The following AK8 variants were observed in gnomAD, a reference collection of about 807,000 sequenced individuals.
The protein encoded by AK8 is ATP-AMP transphosphorylase 8.
Under a neutral mutation model 54.6 loss-of-function variants are expected in AK8, and 44 were observed. The observed-to-expected ratio is 0.81, with a 90% CI of 0.63 to 1.04. AK8 has a LOEUF of 1.04. AK8 is among the 50% of genes least tolerant of loss of function. The pLI is 0.00. For synonymous variants in AK8, 239 were observed against 245.6 expected (o/e 0.97, Z 0.25); for missense variants, 555 against 613.6 (o/e 0.90, Z 1.01).
At position 132,878,208 on chromosome 9, in the gene AK8, C is replaced by T. The variant is rs1292775471; in HGVS notation, c.48G>A (p.Gln16=). ...CGAAGATGTGGTTCTCCTCCCCGTA[C>T]TGGGGCATCTCGGGGGGGATACGGT... ...APHRIPPEMP[Q]YGEENHIFEL... Residue 16 remains glutamine, a synonymous_variant, in exon 1 of 13, where the codon CAG becomes CAA. Coordinates refer to ENST00000298545, the MANE Select transcript of AK8 (RefSeq NM_152572.3). This position sits in a 1 kb window ranked among gnomAD's most constrained non-coding sequence, Gnocchi z 4.7. The T allele has an allele frequency of 3.4e-6, 5 of 1,466,254 alleles. No homozygotes were observed. The highest frequency in any genetic ancestry group is 4.5e-6 in the Non-Finnish European group (5 of 1,106,114). 90.8% of individuals were successfully genotyped at this position (1,466,254 alleles called of 1,614,324 possible).
At chr9:132,807,187 C>T (rs1840763649) in intron 10 of AK8, among the ~76,000 whole-genome samples, 1 of 150,408 alleles carries the variant, frequency 6.6e-6, no homozygotes, top group Admixed American at 6.6e-5. Flanking sequence ...TTGGGAGATG[C>T]TGGGGGGGGC....
chr9:132,828,001 C>T lies in AK8; in HGVS notation c.556+12G>A, dbSNP rs200457695. On this transcript the variant is annotated intron_variant, in intron 7 of 12. Transcript: ENST00000298545. ...ACCCCATGGGGCTGGGTGGGGGTGG[C>T]CGTAGCCATACCTCCAGTTTGAGGG... 2 of 1,557,202 alleles carry T rather than the reference C, an allele frequency of 1.3e-6. No homozygotes were observed. The highest frequency in any genetic ancestry group is 2.4e-5 in the South Asian group (2 of 84,396).
chr9:132,735,235 C>G (rs1397400558), intron 11 of AK8, among the ~76,000 whole-genome samples: 2 of 152,200 alleles, frequency 1.3e-5, no homozygotes, highest in African/African-American at 4.8e-5. Flanking sequence ...TCTAGCCACA[C>G]TGCCTGAGAT....
intron 10 of AK8, among the ~76,000 whole-genome samples, chr9:132,811,652 G>C (rs1335634145): frequency 6.6e-6 from 1 of 152,244 alleles, no homozygotes; most frequent in Non-Finnish European, 1.5e-5. Flanking sequence ...GCAGTACCCA[G>C]AGATGGCAAA....
intron 11 of AK8, among the ~76,000 whole-genome samples, chr9:132,765,471 A>G (rs1010209939): frequency 6.6e-6 from 1 of 150,788 alleles, no homozygotes; most frequent in African/African-American, 2.4e-5. Context: ...AAAATTCAAC[A>G]TCCCTTCTTG....
At position 132,725,877 on chromosome 9, in the gene AK8, G is replaced by A. The variant is rs554473389; in HGVS notation, c.1251C>T (p.Arg417=). The change falls in exon 13 of 13, where the codon CGC becomes CGT. Residue 417 remains arginine, a synonymous_variant. Transcript: ENST00000298545. ...KPPPTMEIQA[R]LLQNPKDAEE... ...CAGCATCCTTTGGGTTCTGCAGGAG[G>A]CGAGCCTGGATCTCCATGGTGGGAG... 2.5e-6 allele frequency: 4 copies of A among 1,611,610 alleles called. No homozygotes were observed. The South Asian group carries it at 4.4e-5, about 18-fold the overall frequency.
Position 132,875,096 on chromosome 9 carries a change from A to G in AK8, c.169+19T>C. On this transcript the variant is annotated intron_variant, in intron 2 of 12. Transcript: ENST00000298545. ...GGGAAGGGAAGACGAGGAGGGGAAG[A>G]GCCCCAGCCAGTGCTCACCATTGTC... 1 of 1,613,654 alleles carries G rather than the reference A, an allele frequency of 6.2e-7. No homozygotes were observed. The highest frequency in any genetic ancestry group is 2.2e-5 in the East Asian group (1 of 44,874).
At chr9:132,847,151 G>A (rs998447076) in intron 5 of AK8, among the ~76,000 whole-genome samples, 3 of 152,238 alleles carry the variant, frequency 2.0e-5, no homozygotes, top group Admixed American at 6.5e-5. Context: ...AGAGCGGGCC[G>A]GGGGAAGAGC....
intron 5 of AK8, among the ~76,000 whole-genome samples, chr9:132,845,778 CAAAA>C (rs35258934): frequency 1.8e-5 from 2 of 108,862 alleles, no homozygotes; most frequent in Non-Finnish European, 3.6e-5. Flanking sequence ...AACTCCATCT[CAAAA>C]AAAAAAAAAA....
At chr9:132,859,998 G>A (rs1181865591) in intron 4 of AK8, among the ~76,000 whole-genome samples, 3 of 152,014 alleles carry the variant, frequency 2.0e-5, no homozygotes, top group South Asian at 2.1e-4. Flanking sequence ...CATTCATTTC[G>A]ATGGCTCTGA....
intron 5 of AK8, among the ~76,000 whole-genome samples, chr9:132,850,890 G>C (rs944566650): frequency 2.2e-5 from 3 of 138,854 alleles, no homozygotes; most frequent in Non-Finnish European, 3.2e-5. Flanking sequence ...GAATCTGTAG[G>C]TGCATTTAAA....
At chr9:132,778,430 G>A (rs1054705932) in intron 11 of AK8, among the ~76,000 whole-genome samples, 3 of 152,106 alleles carry the variant, frequency 2.0e-5, no homozygotes, top group East Asian at 1.9e-4. Flanking sequence ...TCCATAGTCC[G>A]CATAAGGATC....
Position 132,833,411 on chromosome 9 carries a change from C to T in AK8, c.403-4685G>A, listed in dbSNP as rs935709980. Among the ~76,000 whole-genome samples, 12 of 152,278 alleles carry T rather than the reference C, an allele frequency of 7.9e-5. No individual in the cohort carries two copies. In the South Asian group the frequency reaches 2.5e-3, roughly 32 times the overall value. ...CAACAAGCCTGTGTTGCGAGGTTCG[C>T]GGGTCTCACGTCCAGGAGTGGCTGG... On this transcript the variant is annotated intron_variant, in intron 5 of 12. Transcript: ENST00000298545.
chr9:132,873,856 C>A (rs1036583178), intron 2 of AK8, among the ~76,000 whole-genome samples: 9 of 152,272 alleles, frequency 5.9e-5, no homozygotes, highest in Non-Finnish European at 1.3e-4. Flanking sequence ...AACATCCACC[C>A]TAAGAGCAGG....
At chr9:132,850,205 C>A (rs1331677135) in intron 5 of AK8, among the ~76,000 whole-genome samples, 2 of 147,632 alleles carry the variant, frequency 1.4e-5, no homozygotes, top group Non-Finnish European at 3.0e-5. Flanking sequence ...AGGCACCCAC[C>A]ACCATGCCCA....
rs1035261754 is a variant in AK8 at position 132,827,821 on chromosome 9, C to A, written c.556+192G>T. The A allele has an allele frequency of 1.2e-5, 7 of 584,414 alleles. No individual in the cohort carries two copies. The African/African-American group carries it at 1.3e-4, about 11-fold the overall frequency. 36.2% of individuals were successfully genotyped at this position (584,414 alleles called of 1,614,324 possible). A position where few individuals can be genotyped will look rare whatever the true frequency, so the allele number is the denominator to read the frequency against. On this transcript the variant is annotated intron_variant, in intron 7 of 12. Transcript: ENST00000298545. ...GTCTCCTCCTTTAGCCTAAACAGGC[C>A]TCCATTTCCTCATCTACCAGAATGT...
In AK8 at chr9:132,751,379, A is replaced by C. The variant is rs544039454; in HGVS notation, c.1122-23845T>G. Among the ~76,000 whole-genome samples, 131 of 126,564 alleles carry C rather than the reference A, an allele frequency of 1.0e-3. 1 individual carries two copies. Among genetic ancestry groups the C allele is most frequent in the African/African-American group, 4.1e-3 (120 of 29,230 alleles). The allele number at this position is 126,564 out of a possible 152,430, so 83.0% of individuals were successfully genotyped here. ...AGCCAGGATGACAGAGTGAGACTCCAAAAAAAAAAAAAAAAAACAAAAAAA... is the reference window on the plus strand; with the variant it reads ...AGCCAGGATGACAGAGTGAGACTCCCAAAAAAAAAAAAAAAAACAAAAAAA... On this transcript the variant is annotated intron_variant, in intron 11 of 12. Transcript: ENST00000298545.
intron 11 of AK8, among the ~76,000 whole-genome samples, chr9:132,760,996 C>G (rs1025390740): frequency 6.6e-6 from 1 of 151,920 alleles, no homozygotes; most frequent in Non-Finnish European, 1.5e-5. Flanking sequence ...TGTAATTTTT[C>G]TTATTTATAT....
chr9:132,807,321 C>T (rs867962646), intron 10 of AK8, among the ~76,000 whole-genome samples: 5 of 152,188 alleles, frequency 3.3e-5, no homozygotes, highest in South Asian at 4.1e-4. Context: ...AGCTCAGAAG[C>T]CCCACTGCTG....
Sources: gnomAD v4.1 joint callset for allele counts (sites outside exome capture counted in the v4.1 genomes callset) on GRCh38, gnomAD v4.1.1 for gene constraint, Gnocchi (gnomAD v3.1) non-coding constraint, MANE v1.5 for transcripts, NCBI Gene and HGNC (gene_info 2026-07-23, HGNC 2026-07-21) for gene names.